Variants in DLGAP2 observed in about 807,000 individuals in gnomAD.
DLGAP2 encodes DLG associated protein 2.
Under a neutral mutation model 100.3 loss-of-function variants are expected in DLGAP2, and 26 were observed. The ratio of observed to expected loss-of-function variants is 0.26; its 90% CI spans 0.19 to 0.36. DLGAP2 has a LOEUF of 0.36. Ranked by LOEUF, DLGAP2 falls within the 10% of genes least tolerant of loss-of-function variation. DLGAP2 has a pLI of 1.00. For synonymous variants in DLGAP2, 886 were observed against 630.1 expected, an observed-to-expected ratio of 1.41 and a Z score of -6.08; for missense variants, 1,858 against 1,453.2, an observed-to-expected ratio of 1.28 and a Z score of -4.53.
chr8:1,677,579 C>T (rs1013949975), intron 11 of DLGAP2, among the ~76,000 whole-genome samples: 1 of 152,198 alleles, frequency 6.6e-6, no homozygotes, highest in Non-Finnish European at 1.5e-5. Context: ...CACACACACG[C>T]TCACAGTGTT....
chr8:792,696 G>T (rs1017039627), intron 1 of DLGAP2, among the ~76,000 whole-genome samples: 2 of 152,138 alleles, frequency 1.3e-5, no homozygotes, highest in African/African-American at 4.8e-5. Context: ...AAATAGGAAT[G>T]GTGTTAGGTT....
intron 3 of DLGAP2, among the ~76,000 whole-genome samples, chr8:1,479,384 T>G (rs1799026496): frequency 6.6e-6 from 1 of 152,224 alleles, no homozygotes; most frequent in Admixed American, 6.5e-5. Context: ...CTGTTTGTTT[T>G]TGCATAGGAA....
chr8:1,227,468 C>T (rs1798445470), intron 2 of DLGAP2, among the ~76,000 whole-genome samples: 1 of 151,300 alleles, frequency 6.6e-6, no homozygotes, highest in African/African-American at 2.4e-5. Flanking sequence ...CTCTTGCAGG[C>T]AGCCTACAGT....
At chr8:1,177,033 G>A (rs1458347479) in intron 2 of DLGAP2, among the ~76,000 whole-genome samples, 1 of 152,220 alleles carries the variant, frequency 6.6e-6, no homozygotes. Context: ...CATCGTTGAT[G>A]TCGCATTAAC....
In DLGAP2 at chr8:1,368,394, GGTAT is replaced by G. The variant is rs532571231; in HGVS notation, c.106+109514_106+109517del. ...GCATGTGCATATGTGCATGTGTGTG[GGTAT>G]GTGTGTGTGCATGTATGTATGTGTG... On this transcript the variant is annotated intron_variant, in intron 3 of 14. Transcript: ENST00000637795. 6.2e-3 allele frequency among the ~76,000 whole-genome samples: 938 copies of G among 151,948 alleles called. 3 individuals carry two copies. Among genetic ancestry groups the G allele is most frequent in the Non-Finnish European group, 8.8e-3 (595 of 67,960 alleles).
At chr8:1,352,177 T>C (rs1230620821) in intron 3 of DLGAP2, among the ~76,000 whole-genome samples, 3 of 104,858 alleles carry the variant, frequency 2.9e-5, no homozygotes, top group Non-Finnish European at 6.1e-5. Flanking sequence ...CCTGAGTGTG[T>C]GTGGATAGGC....
At chr8:1,227,080 G>A (rs181083541) in intron 2 of DLGAP2, among the ~76,000 whole-genome samples, 6 of 141,398 alleles carry the variant, frequency 4.2e-5, no homozygotes, top group Admixed American at 2.8e-4. Context: ...TCATTGCAGC[G>A]TATTTCACAA....
intron 2 of DLGAP2, among the ~76,000 whole-genome samples, chr8:979,730 A>C (rs569350377): frequency 6.6e-6 from 1 of 152,332 alleles, no homozygotes; most frequent in East Asian, 1.9e-4. Flanking sequence ...TTTCAGGCAC[A>C]TGTGCCAGTC....
chr8:1,044,462 C>T (rs1321964758), intron 2 of DLGAP2, among the ~76,000 whole-genome samples: 4 of 152,192 alleles, frequency 2.6e-5, no homozygotes, highest in Admixed American at 1.3e-4. Flanking sequence ...ACCGCACCTG[C>T]GTGACCACCT....
chr8:1,174,267 C>T (rs1365955799), intron 2 of DLGAP2, among the ~76,000 whole-genome samples: 1 of 152,182 alleles, frequency 6.6e-6, no homozygotes, highest in Non-Finnish European at 1.5e-5. Context: ...CCCATCACCA[C>T]CATCACCACC....
chr8:882,179 G>C (rs962634468), intron 1 of DLGAP2, among the ~76,000 whole-genome samples: 1 of 152,238 alleles, frequency 6.6e-6, no homozygotes, highest in African/African-American at 2.4e-5. Context: ...CCCAGCTGAG[G>C]CCTGAGACAT....
chr8:1,268,581 T>A (rs1319641729), intron 3 of DLGAP2, among the ~76,000 whole-genome samples: 1 of 152,160 alleles, frequency 6.6e-6, no homozygotes, highest in Non-Finnish European at 1.5e-5. Flanking sequence ...TGCCCCCAAT[T>A]TAACATCTTT....
At chr8:1,557,484 C>T (rs1179309026) in intron 5 of DLGAP2, among the ~76,000 whole-genome samples, 6 of 152,066 alleles carry the variant, frequency 3.9e-5, no homozygotes, top group South Asian at 4.1e-4. Flanking sequence ...GGACAGGTCT[C>T]GGCCGATTCT....
intron 2 of DLGAP2, among the ~76,000 whole-genome samples, chr8:1,161,105 T>C (rs536101959): frequency 2.6e-5 from 4 of 152,374 alleles, no homozygotes; most frequent in African/African-American, 9.6e-5. Flanking sequence ...ATGGCTGTTA[T>C]TACTAAATTA....
At chr8:1,085,024 T>C (rs1046621285) in intron 2 of DLGAP2, among the ~76,000 whole-genome samples, 1 of 152,216 alleles carries the variant, frequency 6.6e-6, no homozygotes, top group Admixed American at 6.5e-5. Context: ...TCAAAAACTC[T>C]TGGTATCTTT....
intron 2 of DLGAP2, among the ~76,000 whole-genome samples, chr8:1,045,597 C>T (rs1802492199): frequency 6.6e-6 from 1 of 152,184 alleles, no homozygotes; most frequent in Non-Finnish European, 1.5e-5. Flanking sequence ...ACTTACTCCT[C>T]CCGTCTCATT....
At chr8:819,373 A>G (rs1485559747) in intron 1 of DLGAP2, among the ~76,000 whole-genome samples, 3 of 152,250 alleles carry the variant, frequency 2.0e-5, no homozygotes, top group Non-Finnish European at 4.4e-5. Context: ...AACTTCCGTG[A>G]AACAGGTCAA....
intron 3 of DLGAP2, among the ~76,000 whole-genome samples, chr8:1,310,058 C>CAAAAAAAA (rs3052029): frequency 9.5e-6 from 1 of 105,708 alleles, no homozygotes; most frequent in Non-Finnish European, 2.0e-5. Flanking sequence ...GTCTCCATCT[C>CAAAAAAAA]AAAAAAAAAA....
intron 1 of DLGAP2, among the ~76,000 whole-genome samples, chr8:881,798 T>C (rs1797803535): frequency 6.6e-6 from 1 of 151,926 alleles, no homozygotes; most frequent in African/African-American, 2.4e-5. Context: ...ATTACAGGTG[T>C]GAGCCACTGT....
Sources: gnomAD v4.1 joint callset for allele counts (sites outside exome capture counted in the v4.1 genomes callset) on GRCh38, gnomAD v4.1.1 for gene constraint, MANE v1.5 for transcripts, NCBI Gene and HGNC (gene_info 2026-07-23, HGNC 2026-07-21) for gene names.